Variants in RBFOX2 observed in about 807,000 individuals in gnomAD.
RBFOX2 encodes the protein RNA binding protein fox-1 homolog 2.
In RBFOX2, 10 loss-of-function variants were observed where a neutral mutation model predicts 49.1. That is an observed-to-expected ratio of 0.20 (90% confidence interval 0.13 to 0.35). RBFOX2 has a LOEUF of 0.35. Ranked by LOEUF, RBFOX2 falls within the 10% of genes least tolerant of loss-of-function variation. The pLI, the probability that RBFOX2 is intolerant of heterozygous loss-of-function variation, is 1.00. For synonymous variants in RBFOX2, 183 were observed against 187.4 expected, an observed-to-expected ratio of 0.98 and a Z score of 0.19; for missense variants, 323 against 486.9, an observed-to-expected ratio of 0.66 and a Z score of 3.17.
At chr22:36,009,060 A>G (rs1429254490) in intron 1 of RBFOX2, among the ~76,000 whole-genome samples, 1 of 152,192 alleles carries the variant, frequency 6.6e-6, no homozygotes, top group Non-Finnish European at 1.5e-5. Flanking sequence ...CACACAGTTA[A>G]TATCTCATGC....
chr22:35,839,591 G>A (rs968847908), intron 1 of RBFOX2, among the ~76,000 whole-genome samples: 1 of 152,212 alleles, frequency 6.6e-6, no homozygotes, highest in Non-Finnish European at 1.5e-5. Flanking sequence ...TCGTTCTCCT[G>A]TCAAGGAGGG....
intron 1 of RBFOX2, among the ~76,000 whole-genome samples, chr22:35,920,035 G>A (rs2050857692): frequency 6.6e-6 from 1 of 152,076 alleles, no homozygotes; most frequent in Non-Finnish European, 1.5e-5. Context: ...CAGAATAGTG[G>A]CTAAACACCT....
chr22:35,764,633 G>C (rs1249042261), intron 6 of RBFOX2, among the ~76,000 whole-genome samples: 2 of 147,670 alleles, frequency 1.4e-5, no homozygotes, highest in African/African-American at 2.5e-5. Context: ...CTTTATTCTA[G>C]ATATTAGTAA....
rs1307470593 is a variant in RBFOX2, at chr22:35,920,977, C to A, written c.-34+17870G>T. On this transcript the variant is annotated intron_variant, in intron 1 of 13. Transcript: ENST00000359369. ...CTATTCTTTTGATCTGCTGTATATT[C>A]TAAATTTTCTTCAATGAATGCAAAT... Among the ~76,000 whole-genome samples, 3 of 152,072 alleles carry A rather than the reference C, an allele frequency of 2.0e-5. No individual in the cohort carries two copies. In the South Asian group the frequency reaches 6.2e-4, roughly 32 times the overall value.
intron 1 of RBFOX2, among the ~76,000 whole-genome samples, chr22:35,920,677 G>A (rs1375448310): frequency 6.6e-6 from 1 of 152,090 alleles, no homozygotes. Flanking sequence ...AAACAAGACG[G>A]ACTTTAGCAA....
At chr22:35,936,438 A>G (rs962972731) in intron 1 of RBFOX2, among the ~76,000 whole-genome samples, 5 of 152,182 alleles carry the variant, frequency 3.3e-5, no homozygotes, top group Admixed American at 2.0e-4. Flanking sequence ...CAAAACGCAA[A>G]GTGAGAGTTC....
In RBFOX2 at chr22:35,767,706, T is replaced by C. The variant is rs144654641; in HGVS notation, c.546+551A>G. 2.0e-5 allele frequency among the ~76,000 whole-genome samples: 3 copies of C among 152,260 alleles called. No individual in the cohort carries two copies. The East Asian group carries it at 5.8e-4, about 29-fold the overall frequency. On this transcript the variant is annotated intron_variant, in intron 5 of 11. Transcript: ENST00000405409. The stretch of plus-strand genomic sequence containing the variant: ...ACCAAAATTCTTGGTATTAGATATA[T>C]TTAAAAACTACACGAGTTTTGGATT...
intron 4 of RBFOX2, among the ~76,000 whole-genome samples, chr22:35,768,713 A>C (rs969693105): frequency 6.6e-6 from 1 of 152,222 alleles, no homozygotes; most frequent in Non-Finnish European, 1.5e-5. Context: ...TTATTAATTT[A>C]ATATACATGC....
intron 4 of RBFOX2, among the ~76,000 whole-genome samples, chr22:35,772,405 T>C (rs1942925374): frequency 6.6e-6 from 1 of 152,168 alleles, no homozygotes; most frequent in African/African-American, 2.4e-5. Flanking sequence ...ATTATTAACA[T>C]TTCAATATGG....
At chr22:35,865,292 T>TA (rs2043542910) in intron 1 of RBFOX2, among the ~76,000 whole-genome samples, 1 of 152,070 alleles carries the variant, frequency 6.6e-6, no homozygotes, top group African/African-American at 2.4e-5. Context: ...AATGAGTTTT[T>TA]AAGATCAACA....
chr22:36,014,862 A>G (rs1377594534), intron 1 of RBFOX2, among the ~76,000 whole-genome samples: 1 of 152,254 alleles, frequency 6.6e-6, no homozygotes, highest in Non-Finnish European at 1.5e-5. Flanking sequence ...AAGGGCTACT[A>G]CATGCACTTA....
chr22:35,966,478 A>C (rs115780000), upstream of RBFOX2, among the ~76,000 whole-genome samples: 123 of 152,294 alleles, frequency 8.1e-4, no homozygotes, highest in African/African-American at 2.9e-3. Flanking sequence ...CCAGATGCTG[A>C]ACGTCCTCAC....
At chr22:35,982,556 G>T (rs1435969854) in intron 1 of RBFOX2, among the ~76,000 whole-genome samples, 1 of 152,092 alleles carries the variant, frequency 6.6e-6, no homozygotes, top group Non-Finnish European at 1.5e-5. Context: ...ATAAACATTT[G>T]CTGGGGTGAT....
intron 1 of RBFOX2, among the ~76,000 whole-genome samples, chr22:35,861,308 C>T (rs2043065175): frequency 6.6e-6 from 1 of 152,052 alleles, no homozygotes; most frequent in Non-Finnish European, 1.5e-5. Context: ...ATAAATTGGA[C>T]TTCATTTAAA....
chr22:36,019,971 G>A (rs2146509055), intron 1 of RBFOX2, among the ~76,000 whole-genome samples: 1 of 152,256 alleles, frequency 6.6e-6, no homozygotes, highest in East Asian at 1.9e-4. Context: ...AAAGCTGGGG[G>A]CATCACGCTA....
At chr22:35,764,184 T>C (rs1242661435) in intron 6 of RBFOX2, among the ~76,000 whole-genome samples, 1 of 152,158 alleles carries the variant, frequency 6.6e-6, no homozygotes, top group Non-Finnish European at 1.5e-5. Context: ...GCTAAATATA[T>C]TTATTGAAGA....
chr22:35,880,420 T>C (rs1470394557), intron 1 of RBFOX2, among the ~76,000 whole-genome samples: 1 of 152,122 alleles, frequency 6.6e-6, no homozygotes, highest in Non-Finnish European at 1.5e-5. Context: ...AACTATTATA[T>C]TACAGATGGA....
At chr22:35,765,586 T>A (rs1336299320) in intron 5 of RBFOX2, 103 bp from the exon 7 acceptor site, 3 of 552,956 alleles carry the variant, frequency 5.4e-6, no homozygotes, top group Non-Finnish European at 9.3e-6. Flanking sequence ...AAATGTAAAT[T>A]TCTGAGAGCA....
intron 1 of RBFOX2, among the ~76,000 whole-genome samples, chr22:35,887,999 C>A (rs571534622): frequency 3.9e-5 from 6 of 152,116 alleles, no homozygotes; most frequent in Non-Finnish European, 8.8e-5. Flanking sequence ...TTATGTTCTA[C>A]CTCCCTCCTA....
Sources: gnomAD v4.1 joint callset for allele counts (sites outside exome capture counted in the v4.1 genomes callset) on GRCh38, gnomAD v4.1.1 for gene constraint, MANE v1.5 for transcripts, NCBI Gene and HGNC (gene_info 2026-07-23, HGNC 2026-07-21) for gene names.